TINAG: variants seen among roughly 807,000 people sequenced by gnomAD.
TINAG encodes the protein tubulointerstitial nephritis antigen.
TINAG carries 83 observed loss-of-function variants against 72.7 expected under a neutral mutation model. The observed-to-expected ratio is 1.14, with a 90% confidence interval of 0.96 to 1.37. The LOEUF (loss-of-function observed/expected upper bound fraction) is 1.37, where lower values mean the gene tolerates loss of function less well. TINAG is among the 40% of genes most tolerant of loss of function. TINAG has a pLI of 0.00. For missense variants in TINAG, 685 were observed against 576.6 expected (o/e 1.19, Z -1.93); for synonymous variants, 234 against 189.9 (o/e 1.23, Z -1.91).
At chr6:54,324,301 G>A (rs1053252456) in intron 3 of TINAG, among the ~76,000 whole-genome samples, 2 of 152,174 alleles carry the variant, frequency 1.3e-5, no homozygotes, top group South Asian at 2.1e-4. Context: ...AGGCTGAATT[G>A]TCTGTGATGG....
chr6:54,337,246 A>ATTTTTTTTTTTTTTTT, intron 4 of TINAG, among the ~76,000 whole-genome samples: 1 of 94,086 alleles, frequency 1.1e-5, no homozygotes, highest in Non-Finnish European at 2.1e-5. Flanking sequence ...TGGGATTTGA[A>ATTTTTTTTTTTTTTTT]TTTTTTTTTT....
Position 54,343,161 on chromosome 6 carries a change from G to A in TINAG, c.625-65G>A, listed in dbSNP as rs562450183. 62 of 1,347,376 alleles carry A rather than the reference G, an allele frequency of 4.6e-5. No individual in the cohort carries two copies. In the East Asian group the frequency reaches 1.3e-3, roughly 29 times the overall value. The allele number at this position is 1,347,376 out of a possible 1,614,324, so 83.5% of individuals were successfully genotyped here. ...AATAATTATAACTTTATAAAAGGGC[G>A]TGACATTTTCCTATTGAGACATATT... is the stretch of plus-strand genomic sequence containing the variant. On this transcript the variant is annotated intron_variant, in intron 4 of 10. Transcript: ENST00000259782.
chr6:54,365,606 A>G (rs1763383679), intron 9 of TINAG: 1 of 151,628 alleles, frequency 6.6e-6, no homozygotes, highest in Non-Finnish European at 1.5e-5. Flanking sequence ...AACTCCATTC[A>G]TATTCCTTTG....
chr6:54,390,090 A>T lies in TINAG; in HGVS notation c.*165A>T. On this transcript the variant is annotated 3_prime_UTR_variant, in exon 11 of 11. Transcript: ENST00000259782. ...TCTGGTCTATGCTTCTGCTTCCTTC[A>T]TATTACTGAGCATTAACAACACCAA... The T allele has an allele frequency of 1.1e-6, 1 of 905,964 alleles. No individual in the cohort carries two copies. 56.1% of individuals were successfully genotyped at this position (905,964 alleles called of 1,614,324 possible).
chr6:54,310,572 CTCT>C (rs1021551495), intron 1 of TINAG, among the ~76,000 whole-genome samples: 2 of 148,204 alleles, frequency 1.3e-5, no homozygotes, highest in Admixed American at 6.8e-5. Context: ...CCCTCCCTCT[CTCT>C]TTCTTCTCTT....
chr6:54,359,955 A>G (rs998714677), intron 9 of TINAG, among the ~76,000 whole-genome samples: 4 of 151,780 alleles, frequency 2.6e-5, no homozygotes, highest in African/African-American at 9.7e-5. Flanking sequence ...AACACGACAA[A>G]TTCTGTTTGC....
At chr6:54,351,968 A>T (rs1383473666) in intron 8 of TINAG, among the ~76,000 whole-genome samples, 1 of 151,860 alleles carries the variant, frequency 6.6e-6, no homozygotes, top group Non-Finnish European at 1.5e-5. Context: ...TCATACAGTT[A>T]CTTGTATATT....
intron 9 of TINAG, among the ~76,000 whole-genome samples, chr6:54,375,969 C>G (rs1273221849): frequency 6.6e-6 from 1 of 152,128 alleles, no homozygotes; most frequent in African/African-American, 2.4e-5. Flanking sequence ...CTGAGCCACA[C>G]CTGCCTAACT....
intron 10 of TINAG, among the ~76,000 whole-genome samples, chr6:54,381,962 T>C (rs1763963895): frequency 6.6e-6 from 1 of 151,954 alleles, no homozygotes; most frequent in African/African-American, 2.4e-5. Flanking sequence ...AACCTGATCA[T>C]TCCCACCCTA....
chr6:54,343,261 T>G lies in TINAG; in HGVS notation c.660T>G (p.Phe220Leu). The change falls in exon 5 of 11, where the codon TTT (phenylalanine) becomes TTG (leucine). Residue 220 changes from phenylalanine (F) to leucine (L), a missense_variant. Physicochemically the swap from Phe to Leu is conservative, Grantham distance 22. Coordinates refer to ENST00000259782, the MANE Select transcript of TINAG (RefSeq NM_014464.4). Reference sequence around the variant, plus strand: ...CTGCAACAACTGATCTTCCAGAGTTTTTTGTTGCTTCTTATAAATGGCCTG... The same window carrying G: ...CTGCAACAACTGATCTTCCAGAGTTGTTTGTTGCTTCTTATAAATGGCCTG... ...SLPATTDLPE[F>L]FVASYKWPGW... The G allele has an allele frequency of 6.3e-7, 1 of 1,584,978 alleles. No homozygotes were observed. The highest frequency in any genetic ancestry group is 1.3e-5 in the African/African-American group (1 of 74,094).
At chr6:54,334,402 CCTGAGTTATTGTTCCAAT>C (rs1784813189) in intron 4 of TINAG, among the ~76,000 whole-genome samples, 1 of 152,142 alleles carries the variant, frequency 6.6e-6, no homozygotes, top group African/African-American at 2.4e-5. Flanking sequence ...GATGTAATCA[CCTGAGTTATTGTTCCAAT>C]TCAAATTCCA....
rs547535966 is a variant in TINAG at position 54,327,285 on chromosome 6, G to A, written c.624+369G>A. ...CTCATTGGGACTGGTTAGACAGTGG[G>A]TGCAGCCCATGGAGGGTGAGCAGAA... is the stretch of plus-strand genomic sequence containing the variant. On this transcript the variant is annotated intron_variant, in intron 4 of 10. Transcript: ENST00000259782. 8.3e-6 allele frequency: 10 copies of A among 1,199,654 alleles called. No homozygotes were observed. In the Admixed American group the frequency reaches 1.5e-4, roughly 18 times the overall value. The allele number at this position is 1,199,654 out of a possible 1,614,324, so 74.3% of individuals were successfully genotyped here.
At chr6:54,382,569 C>T (rs1763983744) in intron 10 of TINAG, among the ~76,000 whole-genome samples, 1 of 151,902 alleles carries the variant, frequency 6.6e-6, no homozygotes, top group South Asian at 2.1e-4. Context: ...GAGATATTAT[C>T]CCACAGATAT....
intron 10 of TINAG, among the ~76,000 whole-genome samples, chr6:54,384,460 T>C (rs1472024699): frequency 6.6e-6 from 1 of 152,070 alleles, no homozygotes; most frequent in Admixed American, 6.6e-5. Context: ...AAAAAGTCAC[T>C]ATTTAAAATG....
intron 3 of TINAG, among the ~76,000 whole-genome samples, chr6:54,325,829 C>G (rs761398012): frequency 1.3e-5 from 2 of 152,076 alleles, no homozygotes; most frequent in Admixed American, 1.3e-4. Context: ...TAAATTGTAA[C>G]CAAGTTTCTA....
chr6:54,349,685 T>G (rs190434379), intron 6 of TINAG, 31 bp from the exon 7 acceptor site: 2 of 1,504,746 alleles, frequency 1.3e-6, no homozygotes, highest in African/African-American at 2.8e-5. Flanking sequence ...CTCCTAAATA[T>G]TACCTTTGCT....
rs549510958 is a variant in TINAG at position 54,312,904 on chromosome 6, T to C, written c.355+3999T>C. Among the ~76,000 whole-genome samples, 3 of 152,286 alleles carry C rather than the reference T, an allele frequency of 2.0e-5. No homozygotes were observed. The East Asian group carries it at 5.8e-4, about 29-fold the overall frequency. ...CCCTTACCCCTTGCTATTTTCTCTC[T>C]GACCCACTTCTCTCATCTCTGCCGG... On this transcript the variant is annotated intron_variant, in intron 1 of 10. Transcript: ENST00000259782.
rs75247589 is a variant in TINAG at position 54,388,241 on chromosome 6, A to G, written c.1297-1550A>G. On this transcript the variant is annotated intron_variant, in intron 10 of 10. Transcript: ENST00000259782. ...AAATATGAAAATTGACATTTAGTGT[A>G]TTTCACTGGTGCTAGAACTCTCACA... is the stretch of plus-strand genomic sequence containing the variant. Among the ~76,000 whole-genome samples, 919 of 152,288 alleles carry G rather than the reference A, an allele frequency of 6.0e-3. 4 individuals are homozygous for G. The highest frequency in any genetic ancestry group is 0.024 in the Middle Eastern group (7 of 294).
At chr6:54,313,143 GT>G (rs1784296096) in intron 1 of TINAG, among the ~76,000 whole-genome samples, 1 of 151,980 alleles carries the variant, frequency 6.6e-6, no homozygotes, top group African/African-American at 2.4e-5. Flanking sequence ...GAAAATACAC[GT>G]TTAAAATTAG....
Sources: gnomAD v4.1 joint callset for allele counts (sites outside exome capture counted in the v4.1 genomes callset) on GRCh38, gnomAD v4.1.1 for gene constraint, MANE v1.5 for transcripts, NCBI Gene and HGNC (gene_info 2026-07-23, HGNC 2026-07-21) for gene names.